The following HTT variants were observed in gnomAD, a reference collection of about 807,000 sequenced individuals.
HTT encodes the protein huntingtin, also known as huntington disease protein.
HTT carries 104 observed loss-of-function variants against 362.3 expected under a neutral mutation model. That is an observed-to-expected ratio of 0.29 (90% CI 0.24 to 0.34). The LOEUF is 0.34. Ranked by LOEUF, HTT falls within the 10% of genes least tolerant of loss-of-function variation. HTT has a pLI of 1.00. For synonymous variants in HTT, 1,577 were observed against 1,548.7 expected (o/e 1.02, Z -0.43); for missense variants, 3,301 against 3,928.6 (o/e 0.84, Z 4.27).
intron 6 of HTT, among the ~76,000 whole-genome samples, chr4:3,107,696 G>A (rs115947245): frequency 2.2e-3 from 331 of 152,276 alleles, no homozygotes; most frequent in African/African-American, 7.3e-3. Context: ...TGTTTTCGGC[G>A]TACTAGAGTG....
chr4:3,174,837 G>T (rs773052094), intron 32 of HTT, 38 bp downstream of exon 32: 2 of 1,597,870 alleles, frequency 1.3e-6, no homozygotes, highest in South Asian at 2.2e-5. Context: ...ACTCAGGCGT[G>T]TCAGTGCTAG....
intron 60 of HTT, among the ~76,000 whole-genome samples, chr4:3,231,328 C>T (rs111554162): frequency 7.2e-5 from 11 of 152,086 alleles, no homozygotes; most frequent in African/African-American, 2.2e-4. Context: ...GCTGTCATGA[C>T]GGTGAATGAT....
At chr4:3,220,042 G>A (rs556217820) in intron 52 of HTT, 140 bp from the exon 53 acceptor site, 15 of 872,742 alleles carry the variant, frequency 1.7e-5, no homozygotes, top group African/African-American at 3.4e-5. Flanking sequence ...CTGTTTTCTG[G>A]GGGAGAAGGT....
Position 3,173,004 on chromosome 4 carries a change from T to C in HTT, c.4039T>C (p.Ser1347Pro), listed in dbSNP as rs769925892. The change falls in exon 31 of 67, where the codon TCC becomes CCC. Residue 1347 changes from serine (S) to proline (P), a missense_variant. Around this residue, in one of 4 missense-constraint regions of HTT, gnomAD observed 2,316 missense variants for 2,658.5 expected, o/e 0.87. Coordinates refer to ENST00000355072, the MANE Select transcript of HTT (RefSeq NM_001388492.1). ...KSQGRAQRLG[S>P]SSVRPGLYHY... ...ACAAGGCCGAGCACAGCGCCTTGGC[T>C]CCTCCAGTGTGAGGCCAGGCTTGTA... 6.2e-7 allele frequency: 1 copy of C among 1,614,202 alleles called. No individual in the cohort carries two copies.
rs145959802 is a variant in HTT, at chr4:3,220,842, C to T, written c.7369+534C>T. ...GCTTCCAGCCCTCCTACCTGAGCAG[C>T]GCAGGGCAAGTCCGTCTAACCTCTA... On this transcript the variant is annotated intron_variant, in intron 53 of 66. Coordinates refer to ENST00000355072, the MANE Select transcript of HTT (RefSeq NM_001388492.1). Among the ~76,000 whole-genome samples the T allele has an allele frequency of 3.8e-3, 586 of 152,208 alleles. 2 individuals are homozygous for T. Among genetic ancestry groups the T allele is most frequent in the Middle Eastern group, 0.014 (4 of 292 alleles).
At chr4:3,144,298 G>T (rs899822581) in intron 23 of HTT, among the ~76,000 whole-genome samples, 1 of 152,006 alleles carries the variant, frequency 6.6e-6, no homozygotes, top group Non-Finnish European at 1.5e-5. Context: ...ATGTTAATTT[G>T]CTGGTGACCA....
In HTT at chr4:3,211,610, A is replaced by G. The variant is rs557766634; in HGVS notation, c.6415-319A>G. 5.9e-5 allele frequency among the ~76,000 whole-genome samples: 9 copies of G among 152,258 alleles called. No homozygotes were observed. The South Asian group carries it at 8.3e-4, about 14-fold the overall frequency. ...GGTCTTGGATGACACTTTAGCTTTG[A>G]TTTTGTTTTTATGAATTAAAATTGT... On this transcript the variant is annotated intron_variant, in intron 47 of 66. Transcript: ENST00000355072.
At position 3,204,086 on chromosome 4, in the gene HTT, C is replaced by G; in HGVS notation, c.5656C>G (p.Leu1886Val). 1 of 1,614,130 alleles carries G rather than the reference C, an allele frequency of 6.2e-7. No homozygotes were observed. Among genetic ancestry groups the G allele is most frequent in the Non-Finnish European group, 8.5e-7 (1 of 1,179,984 alleles). The change falls in exon 42 of 67, where the codon CTT becomes GTT. Residue 1886 changes from leucine (L) to valine (V), a missense_variant. Leu to Val is a conservative substitution (Grantham distance 32, BLOSUM62 1). Coordinates refer to ENST00000355072, the MANE Select transcript of HTT (RefSeq NM_001388492.1). ...EEEDSDLAAK[L>V]GMCNREIVRR... Reference sequence around the variant, plus strand: ...GGAGGATTCTGACTTGGCAGCCAAACTTGGAATGTGCAATAGAGAAATAGT... The same window carrying G: ...GGAGGATTCTGACTTGGCAGCCAAAGTTGGAATGTGCAATAGAGAAATAGT...
chr4:3,192,433 G>A (rs1057425254), intron 40 of HTT, among the ~76,000 whole-genome samples: 1 of 152,114 alleles, frequency 6.6e-6, no homozygotes, highest in Admixed American at 6.5e-5. Context: ...TCACATGACC[G>A]AAGATGACCT....
chr4:3,231,511 C>T (rs1028713521), intron 60 of HTT, among the ~76,000 whole-genome samples: 11 of 152,164 alleles, frequency 7.2e-5, no homozygotes, highest in Non-Finnish European at 1.6e-4. Flanking sequence ...AGCACATGTC[C>T]GTGACCTGGA....
chr4:3,234,952 G>A (rs1232885177), intron 61 of HTT, among the ~76,000 whole-genome samples: 1 of 152,220 alleles, frequency 6.6e-6, no homozygotes, highest in Non-Finnish European at 1.5e-5. Context: ...AGAGGGGACT[G>A]GCCTGGGGTG....
chr4:3,097,554 C>T (rs1435242871), intron 2 of HTT, among the ~76,000 whole-genome samples: 1 of 152,138 alleles, frequency 6.6e-6, no homozygotes, highest in South Asian at 2.1e-4. Flanking sequence ...ATTGCTTGAA[C>T]CTGGGAGGCG....
chr4:3,222,350 G>A (rs1260912228), intron 53 of HTT, 37 bp from the exon 54 acceptor site: 1 of 1,560,682 alleles, frequency 6.4e-7, no homozygotes, highest in Non-Finnish European at 8.8e-7. Context: ...GGCTTGAGAA[G>A]GGTTGACACT....
At chr4:3,209,691 C>A in intron 46 of HTT, 136 bp from the exon 47 acceptor site, 1 of 1,045,370 alleles carries the variant, frequency 9.6e-7, no homozygotes, top group Non-Finnish European at 1.4e-6. Flanking sequence ...GCCGTATAGC[C>A]ACAGCCTGCC....
chr4:3,169,265 G>A (rs559730884), intron 29 of HTT, among the ~76,000 whole-genome samples: 16 of 152,012 alleles, frequency 1.1e-4, no homozygotes, highest in Non-Finnish European at 1.8e-4. Context: ...TGATCTGCCC[G>A]CCTGGGCCTC....
At chr4:3,177,862 A>G (rs1203266841) in intron 34 of HTT, among the ~76,000 whole-genome samples, 1 of 152,260 alleles carries the variant, frequency 6.6e-6, no homozygotes, top group Admixed American at 6.5e-5. Context: ...AAAATGCTTA[A>G]TAAACATTGT....
intron 26 of HTT, among the ~76,000 whole-genome samples, chr4:3,151,856 T>C (rs888922173): frequency 1.3e-5 from 2 of 152,174 alleles, no homozygotes; most frequent in African/African-American, 4.8e-5. Context: ...CCACTTCTGG[T>C]CCAGACTGAT....
chr4:3,133,197 G>C (rs1012830881), intron 18 of HTT, among the ~76,000 whole-genome samples: 6 of 152,104 alleles, frequency 3.9e-5, no homozygotes, highest in African/African-American at 1.4e-4. Flanking sequence ...AAAGTCTGTT[G>C]AATATGCTGG....
In HTT at chr4:3,105,422, G is replaced by A. The variant is rs771201253; in HGVS notation, c.594G>A (p.Arg198=). Residue 198 remains arginine (R), a synonymous_variant, in exon 5 of 67, where the codon CGG becomes CGA. Coordinates refer to ENST00000355072, the MANE Select transcript of HTT (RefSeq NM_001388492.1). ...WRFAELAHLV[R]PQKCRPYLVN... ...TTGCTGAGCTGGCTCACCTGGTTCG[G>A]CCTCAGAAATGCAGGTAAGTTGTAC... is the stretch of plus-strand genomic sequence containing the variant. 132 of 1,613,036 alleles carry A rather than the reference G, an allele frequency of 8.2e-5. 1 individual carries two copies. Among genetic ancestry groups the A allele is most frequent in the Non-Finnish European group, 1.1e-4 (125 of 1,179,120 alleles).
Sources: gnomAD v4.1 joint callset for allele counts (sites outside exome capture counted in the v4.1 genomes callset) on GRCh38, gnomAD v4.1.1 for gene constraint, gnomAD v4.1.1 regional missense constraint, MANE v1.5 for transcripts, NCBI Gene and HGNC (gene_info 2026-07-23, HGNC 2026-07-21) for gene names.